Variants in RRM2 observed in about 807,000 individuals in gnomAD.
The protein encoded by RRM2 is ribonucleoside-diphosphate reductase subunit M2.
A neutral mutation model predicts 45.9 loss-of-function variants in RRM2; 6 were observed. The observed-to-expected ratio is 0.13, with a 90% CI of 0.07 to 0.26. The LOEUF is 0.26. RRM2 is among the 10% of genes least tolerant of loss of function. RRM2 has a pLI of 1.00. For missense variants in RRM2, 343 were observed against 489.5 expected (o/e 0.70, Z 2.82); for synonymous variants, 177 against 173.0 (o/e 1.02, Z -0.18).
At chr2:10,158,890 C>G (rs1663493264) in intron 3 of RRM2, among the ~76,000 whole-genome samples, 1 of 152,158 alleles carries the variant, frequency 6.6e-6, no homozygotes, top group African/African-American at 2.4e-5. Context: ...GAAGCTGACA[C>G]TGACCTGACC....
At chr2:10,187,631 T>A (rs1189852638) in intron 3 of RRM2, among the ~76,000 whole-genome samples, 1 of 150,784 alleles carries the variant, frequency 6.6e-6, no homozygotes, top group African/African-American at 2.4e-5. Context: ...TTGGTGGCCC[T>A]GGCACTTTTT....
At chr2:10,163,524 C>T (rs1180729625) in intron 3 of RRM2, among the ~76,000 whole-genome samples, 1 of 152,184 alleles carries the variant, frequency 6.6e-6, no homozygotes, top group Non-Finnish European at 1.5e-5. Flanking sequence ...GTCACATGGC[C>T]CTCTCGGCCT....
downstream of RRM2, among the ~76,000 whole-genome samples, chr2:10,136,208 C>T (rs1260129975): frequency 2.6e-5 from 4 of 152,182 alleles, no homozygotes; most frequent in Admixed American, 6.5e-5. Flanking sequence ...GATTATGCAA[C>T]GTGGCCACAC....
intron 3 of RRM2, among the ~76,000 whole-genome samples, chr2:10,147,934 C>T (rs1156619209): frequency 1.3e-5 from 2 of 151,958 alleles, no homozygotes; most frequent in Non-Finnish European, 2.9e-5. Flanking sequence ...CACTCGAGGT[C>T]AGGAGTTTGA....
chr2:10,168,519 A>G (rs905964733), intron 3 of RRM2, among the ~76,000 whole-genome samples: 4 of 152,228 alleles, frequency 2.6e-5, no homozygotes, highest in Admixed American at 1.3e-4. Context: ...CAGATAAGGG[A>G]AACTCCAAAA....
intron 3 of RRM2, among the ~76,000 whole-genome samples, chr2:10,184,123 A>C (rs1388044945): frequency 1.4e-5 from 2 of 141,316 alleles, no homozygotes; most frequent in African/African-American, 5.2e-5. Flanking sequence ...AAAAAAAAGC[A>C]AAAAAGCAGG....
chr2:10,127,412 A>G lies in RRM2; in HGVS notation c.798+192A>G. 1.7e-6 allele frequency: 1 copy of G among 600,310 alleles called. No individual in the cohort carries two copies. The highest frequency in any genetic ancestry group is 1.8e-5 in the African/African-American group (1 of 54,146). 37.2% of individuals were successfully genotyped at this position (600,310 alleles called of 1,614,324 possible). A position where few individuals can be genotyped will look rare whatever the true frequency, so the allele number is the denominator to read the frequency against. On this transcript the variant is annotated intron_variant, in intron 7 of 9. Coordinates refer to ENST00000304567, the MANE Select transcript of RRM2 (RefSeq NM_001034.4). This position sits in a 1 kb window ranked among gnomAD's most constrained non-coding sequence, Gnocchi z 4.1. ...TGAAACTGTTTTACTTGCATTCTCA[A>G]TATATTGTAATACATTTGTACATAT... is the stretch of plus-strand genomic sequence containing the variant.
At chr2:10,151,237 T>C (rs1296603810) in intron 3 of RRM2, among the ~76,000 whole-genome samples, 1 of 152,214 alleles carries the variant, frequency 6.6e-6, no homozygotes, top group Non-Finnish European at 1.5e-5. Flanking sequence ...TGATGGACAT[T>C]GGGGCTGTTT....
chr2:10,181,065 C>G (rs147811860), intron 3 of RRM2, among the ~76,000 whole-genome samples: 71 of 152,204 alleles, frequency 4.7e-4, no homozygotes, highest in Non-Finnish European at 9.1e-4. Flanking sequence ...CCGCACCCAG[C>G]CCCCTGTGGC....
intron 3 of RRM2, among the ~76,000 whole-genome samples, chr2:10,187,463 G>A (rs1346800377): frequency 6.6e-6 from 1 of 152,250 alleles, no homozygotes; most frequent in East Asian, 1.9e-4. Context: ...TGCAGTGAGA[G>A]AGGCTTTTTC....
At chr2:10,176,647 A>G (rs1663920816) in intron 3 of RRM2, among the ~76,000 whole-genome samples, 1 of 152,174 alleles carries the variant, frequency 6.6e-6, no homozygotes, top group Non-Finnish European at 1.5e-5. Context: ...CTTTTGCTTA[A>G]TATTGGTCAG....
At chr2:10,182,366 C>A (rs1254588335) in intron 3 of RRM2, among the ~76,000 whole-genome samples, 31 of 146,456 alleles carry the variant, frequency 2.1e-4, no homozygotes, top group African/African-American at 3.5e-4. Context: ...AACAAACAAA[C>A]AAAAAAAAAC....
At chr2:10,152,835 G>C (rs1663341380) in intron 3 of RRM2, among the ~76,000 whole-genome samples, 1 of 152,058 alleles carries the variant, frequency 6.6e-6, no homozygotes, top group African/African-American at 2.4e-5. Context: ...GGAACTCTTG[G>C]ACATGGTTGG....
rs1572486207 is a variant in RRM2 at position 10,123,811 on chromosome 2, G to T, written c.394G>T (p.Ala132Ser). 2 of 1,611,276 alleles carry T rather than the reference G, an allele frequency of 1.2e-6. No individual in the cohort carries two copies. Among genetic ancestry groups the T allele is most frequent in the East Asian group, 2.2e-5 (1 of 44,858 alleles). The change falls in exon 4 of 10, where the codon GCT (alanine) becomes TCT (serine). Residue 132 changes from alanine (A) to serine (S), a missense_variant. This residue lies in a region of RRM2 where 212 missense variants were observed against 368.1 expected (regional missense o/e 0.58). Transcript: ENST00000304567. Reference sequence around the variant, plus strand: ...GAGATATTTTATATCCCATGTTCTGGCTTTCTTTGCAGCAAGCGATGGCAT... The same window carrying T: ...GAGATATTTTATATCCCATGTTCTGTCTTTCTTTGCAGCAAGCGATGGCAT... ...EERYFISHVL[A>S]FFAASDGIVN...
intron 3 of RRM2, among the ~76,000 whole-genome samples, chr2:10,150,439 C>T (rs970944394): frequency 6.4e-5 from 9 of 139,592 alleles, no homozygotes; most frequent in African/African-American, 2.5e-4. Context: ...GAGCGAGACT[C>T]TGCCTCAAAA....
intron 3 of RRM2, among the ~76,000 whole-genome samples, chr2:10,157,792 C>T (rs1026875498): frequency 3.3e-5 from 5 of 152,164 alleles, no homozygotes; most frequent in Non-Finnish European, 7.3e-5. Flanking sequence ...CAACTAATGG[C>T]TCAGTTTTGC....
chr2:10,178,498 C>T (rs569555028), intron 3 of RRM2, among the ~76,000 whole-genome samples: 7 of 152,298 alleles, frequency 4.6e-5, no homozygotes, highest in Admixed American at 2.6e-4. Flanking sequence ...GCTGGAATTA[C>T]AGGCATGAGC....
chr2:10,176,961 T>C (rs1349013154), intron 3 of RRM2, among the ~76,000 whole-genome samples: 4 of 152,166 alleles, frequency 2.6e-5, no homozygotes, highest in Non-Finnish European at 5.9e-5. Context: ...ATAGTACTGA[T>C]TGAGCCGGGT....
chr2:10,149,290 G>A (rs1203204875), intron 3 of RRM2, among the ~76,000 whole-genome samples: 6 of 152,216 alleles, frequency 3.9e-5, no homozygotes, highest in South Asian at 4.1e-4. Flanking sequence ...CACCATGCCC[G>A]GCTAATTTTG....
Sources: allele counts gnomAD v4.1 joint callset (sites outside exome capture counted in the v4.1 genomes callset), GRCh38; gene constraint gnomAD v4.1.1; regional missense constraint gnomAD v4.1.1; non-coding constraint Gnocchi (gnomAD v3.1); transcripts MANE v1.5; gene names NCBI Gene and HGNC (gene_info 2026-07-23, HGNC 2026-07-21).